Variants in GRM7 observed in about 807,000 individuals in gnomAD.
The protein encoded by GRM7 is glutamate metabotropic receptor 7, also known as metabotropic glutamate receptor 7.
GRM7 carries 35 observed loss-of-function variants against 84.5 expected under a neutral mutation model. The ratio of observed to expected loss-of-function variants is 0.41; its 90% confidence interval spans 0.32 to 0.55. The LOEUF (loss-of-function observed/expected upper bound fraction) is 0.55. Among genes scored for constraint, GRM7 ranks in the 20% least tolerant of loss-of-function variants. The pLI is 0.19. For missense variants in GRM7, 1,003 were observed against 1,194.6 expected, an observed-to-expected ratio of 0.84 and a Z score of 2.36; for synonymous variants, 487 against 455.1, an observed-to-expected ratio of 1.07 and a Z score of -0.89.
chr3:7,502,397 C>A (rs1164691433), intron 7 of GRM7, among the ~76,000 whole-genome samples: 3 of 152,086 alleles, frequency 2.0e-5, no homozygotes, highest in African/African-American at 4.8e-5. Flanking sequence ...ACACAAGACA[C>A]AAAATAAGTC....
chr3:7,006,076 TAAC>T (rs772728541), intron 1 of GRM7, among the ~76,000 whole-genome samples: 2 of 152,166 alleles, frequency 1.3e-5, no homozygotes, highest in Non-Finnish European at 2.9e-5. Context: ...AATGGTTACT[TAAC>T]AACCTTCCCC....
chr3:7,624,270 A>G (rs1470580510), intron 8 of GRM7, among the ~76,000 whole-genome samples: 1 of 152,082 alleles, frequency 6.6e-6, no homozygotes, highest in East Asian at 1.9e-4. Flanking sequence ...TCATACATGG[A>G]GTTGGGAAGG....
intron 9 of GRM7, among the ~76,000 whole-genome samples, chr3:7,687,630 G>A (rs980433312): frequency 3.3e-5 from 5 of 152,124 alleles, no homozygotes; most frequent in Admixed American, 2.6e-4. Context: ...CATACCGCAG[G>A]AGGGGAAAAA....
intron 7 of GRM7, among the ~76,000 whole-genome samples, chr3:7,475,536 A>T (rs145024518): frequency 6.6e-6 from 1 of 152,196 alleles, no homozygotes; most frequent in East Asian, 1.9e-4. Context: ...AGGATGGCAG[A>T]TTACAATGTC....
chr3:7,369,598 C>T (rs1354121820), intron 4 of GRM7, among the ~76,000 whole-genome samples: 1 of 152,064 alleles, frequency 6.6e-6, no homozygotes, highest in Non-Finnish European at 1.5e-5. Context: ...TGGTAGAGAG[C>T]AATAAGCAAT....
At chr3:7,058,902 T>C (rs1469763212) in intron 1 of GRM7, among the ~76,000 whole-genome samples, 1 of 151,822 alleles carries the variant, frequency 6.6e-6, no homozygotes, top group Non-Finnish European at 1.5e-5. Flanking sequence ...CTAAGAAAGG[T>C]AAAAACATCT....
At chr3:7,259,367 T>C (rs991762296) in intron 2 of GRM7, among the ~76,000 whole-genome samples, 49 of 152,190 alleles carry the variant, frequency 3.2e-4, no homozygotes, top group Non-Finnish European at 2.4e-4. Context: ...ATTGTAAAGA[T>C]TATTTCATCA....
At chr3:7,613,258 T>A (rs1318878430) in intron 8 of GRM7, among the ~76,000 whole-genome samples, 1 of 152,192 alleles carries the variant, frequency 6.6e-6, no homozygotes, top group Non-Finnish European at 1.5e-5. Context: ...TGGTTTATTT[T>A]ATCAATAAGA....
intron 1 of GRM7, among the ~76,000 whole-genome samples, chr3:7,042,789 C>T (rs1018612087): frequency 3.1e-4 from 47 of 152,038 alleles, no homozygotes; most frequent in African/African-American, 1.0e-3. Context: ...GGATTCATTT[C>T]AATTGATTTA....
intron 1 of GRM7, among the ~76,000 whole-genome samples, chr3:6,976,459 G>T (rs567181843): frequency 7.2e-5 from 11 of 152,294 alleles, no homozygotes; most frequent in Admixed American, 7.2e-4. Context: ...CACTTTTCCA[G>T]GGACAGAGTC....
At chr3:7,132,294 C>A (rs1028337353) in intron 1 of GRM7, among the ~76,000 whole-genome samples, 1 of 152,134 alleles carries the variant, frequency 6.6e-6, no homozygotes, top group Non-Finnish European at 1.5e-5. Context: ...ATATTCCTTA[C>A]TTGGTATGTA....
chr3:7,347,395 C>G (rs564918635), intron 4 of GRM7, among the ~76,000 whole-genome samples: 1 of 152,258 alleles, frequency 6.6e-6, no homozygotes, highest in East Asian at 1.9e-4. Context: ...TTTCCGAATG[C>G]TTTAGTTCAC....
chr3:6,973,763 G>A (rs982524368), intron 1 of GRM7, among the ~76,000 whole-genome samples: 2 of 152,186 alleles, frequency 1.3e-5, no homozygotes, highest in African/African-American at 4.8e-5. Context: ...ATAAAATGTG[G>A]TTTGAGTGCT....
At chr3:7,718,131 C>A (rs1009314978) in intron 9 of GRM7, among the ~76,000 whole-genome samples, 95 of 152,166 alleles carry the variant, frequency 6.2e-4, no homozygotes, top group Non-Finnish European at 1.6e-4. Context: ...CTTTTCCCAT[C>A]TGCAAAATGG....
Position 7,568,466 on chromosome 3 carries a change from C to T in GRM7, c.1516-9956C>T, listed in dbSNP as rs375191602. Among the ~76,000 whole-genome samples the T allele has an allele frequency of 1.5e-3, 224 of 152,362 alleles. 1 individual carries two copies. The highest frequency in any genetic ancestry group is 4.7e-3 in the African/African-American group (196 of 41,594). On this transcript the variant is annotated intron_variant, in intron 7 of 9. Coordinates refer to ENST00000357716, the MANE Select transcript of GRM7 (RefSeq NM_000844.4). Reference sequence around the variant, plus strand: ...GCTGACAGCCCTCACTCGCTCTCGGCGCCTCCTCGGCCTTGGCGCCCACTC... The same window carrying T: ...GCTGACAGCCCTCACTCGCTCTCGGTGCCTCCTCGGCCTTGGCGCCCACTC...
chr3:6,908,337 T>C (rs1049729397), intron 1 of GRM7, among the ~76,000 whole-genome samples: 43 of 152,226 alleles, frequency 2.8e-4, no homozygotes, highest in African/African-American at 1.0e-3. Flanking sequence ...GAATACTGTG[T>C]ACTTAGATGA....
At chr3:7,436,646 C>T (rs1268029810) in intron 5 of GRM7, among the ~76,000 whole-genome samples, 3 of 152,160 alleles carry the variant, frequency 2.0e-5, no homozygotes, top group Non-Finnish European at 4.4e-5. Flanking sequence ...GTGCTGTTTT[C>T]TAGAAGACAG....
intron 7 of GRM7, among the ~76,000 whole-genome samples, chr3:7,495,712 C>A (rs1699678631): frequency 6.6e-6 from 1 of 152,150 alleles, no homozygotes; most frequent in Non-Finnish European, 1.5e-5. Context: ...AGAGGGATTC[C>A]TGCATGAGGA....
At chr3:7,732,441 G>T (rs901892745) in intron 9 of GRM7, among the ~76,000 whole-genome samples, 4 of 152,132 alleles carry the variant, frequency 2.6e-5, no homozygotes, top group African/African-American at 9.7e-5. Flanking sequence ...GGTGCAGCAG[G>T]AACATCTCAC....
Sources: allele counts gnomAD v4.1 joint callset (sites outside exome capture counted in the v4.1 genomes callset), GRCh38; gene constraint gnomAD v4.1.1; transcripts MANE v1.5; gene names NCBI Gene and HGNC (gene_info 2026-07-23, HGNC 2026-07-21).